Variants in NEK5 observed in about 807,000 individuals in gnomAD.
The protein encoded by NEK5 is NIMA related kinase 5, also known as serine/threonine-protein kinase Nek5.
NEK5 carries 88 observed loss-of-function variants against 109.2 expected under a neutral mutation model. The observed-to-expected ratio is 0.81, with a 90% CI of 0.68 to 0.96. The LOEUF is 0.96. NEK5 is among the 40% of genes least tolerant of loss of function. The pLI is 0.00. For missense variants in NEK5, 834 were observed against 920.7 expected (o/e 0.91, Z 1.22); for synonymous variants, 283 against 299.9 (o/e 0.94, Z 0.58).
At chr13:52,116,124 T>C (rs1243740737) in intron 4 of NEK5, among the ~76,000 whole-genome samples, 1 of 142,044 alleles carries the variant, frequency 7.0e-6, no homozygotes, top group Non-Finnish European at 1.5e-5. Context: ...AAGGCTGCAG[T>C]GAGCTGTAAT....
intron 22 of NEK5, among the ~76,000 whole-genome samples, chr13:52,057,783 G>C (rs553517267): frequency 6.6e-6 from 1 of 151,956 alleles, no homozygotes; most frequent in South Asian, 2.1e-4. Flanking sequence ...AATAAATTAG[G>C]TATTGATGGG....
intron 22 of NEK5, among the ~76,000 whole-genome samples, chr13:52,053,745 C>G (rs1011119293): frequency 6.6e-6 from 1 of 152,212 alleles, no homozygotes; most frequent in Non-Finnish European, 1.5e-5. Flanking sequence ...CTTGCACCAT[C>G]TCGCCCCACA....
intron 4 of NEK5, among the ~76,000 whole-genome samples, chr13:52,114,928 T>C (rs1463133088): frequency 6.6e-6 from 1 of 152,106 alleles, no homozygotes; most frequent in Non-Finnish European, 1.5e-5. Flanking sequence ...TTCATCTCAC[T>C]TCCTTTTCAC....
At position 52,083,257 on chromosome 13, in the gene NEK5, T is replaced by C. The variant is rs1469990498; in HGVS notation, c.1572+3A>G. ...ACACACATCTGATCATAGCCATCATTACCTGCACAGGTGCTTCTCCCTCAG... is the reference window on the plus strand; with the variant it reads ...ACACACATCTGATCATAGCCATCATCACCTGCACAGGTGCTTCTCCCTCAG... On this transcript the variant is annotated splice_donor_region_variant and intron_variant, in intron 17 of 23. Transcript: ENST00000684899. 6.3e-7 allele frequency: 1 copy of C among 1,595,646 alleles called. No homozygotes were observed. Among genetic ancestry groups the C allele is most frequent in the Non-Finnish European group, 8.6e-7 (1 of 1,163,138 alleles).
chr13:52,040,817 G>A (rs954661809), intron 23 of NEK5, among the ~76,000 whole-genome samples: 1 of 152,046 alleles, frequency 6.6e-6, no homozygotes, highest in Non-Finnish European at 1.5e-5. Context: ...TAATTTTAGT[G>A]TTAATTTCTC....
intron 13 of NEK5, among the ~76,000 whole-genome samples, 173 bp downstream of exon 13, chr13:52,092,880 TC>T (rs1955318287): frequency 6.6e-6 from 1 of 152,142 alleles, no homozygotes; most frequent in African/African-American, 2.4e-5. Context: ...AGTGAGACTG[TC>T]TACAAAAGCA....
intron 17 of NEK5, among the ~76,000 whole-genome samples, chr13:52,079,442 G>A (rs1327501115): frequency 6.6e-6 from 1 of 152,238 alleles, no homozygotes; most frequent in Non-Finnish European, 1.5e-5. Context: ...TGCGATTGCA[G>A]GGGCGCACCG....
intron 8 of NEK5, among the ~76,000 whole-genome samples, chr13:52,106,311 A>AT (rs1311038748): frequency 2.0e-5 from 3 of 152,064 alleles, no homozygotes; most frequent in Non-Finnish European, 4.4e-5. Context: ...TCTCTTGGGC[A>AT]TTTTTTCCTA....
Position 52,093,325 on chromosome 13 carries a change from T to G in NEK5, c.1027-90A>C, listed in dbSNP as rs954669115. On this transcript the variant is annotated intron_variant, in intron 12 of 23. Transcript: ENST00000684899. ...CTGTAACCCTAGCACTTTGGGAGGC[T>G]GAGGCGGGTGGATCACCTGAGGTCA... 4.5e-6 allele frequency: 4 copies of G among 890,534 alleles called. No individual in the cohort carries two copies. In the African/African-American group the frequency reaches 6.6e-5, roughly 15 times the overall value. The allele number at this position is 890,534 out of a possible 1,614,324, so 55.2% of individuals were successfully genotyped here. A position where few individuals can be genotyped will look rare whatever the true frequency, so the allele number is the denominator to read the frequency against.
chr13:52,062,209 C>G (rs1954619164), intron 21 of NEK5: 1 of 152,078 alleles, frequency 6.6e-6, no homozygotes, highest in Non-Finnish European at 1.5e-5. Flanking sequence ...TGATTTATAA[C>G]TTAATAAGAC....
intron 21 of NEK5, chr13:52,064,609 G>C (rs1200408517): frequency 4.8e-6 from 1 of 208,696 alleles, no homozygotes; most frequent in Non-Finnish European, 9.5e-6. Flanking sequence ...CCACCACCCT[G>C]TCTGGGAGGT....
At chr13:52,064,653 G>A (rs1045796079) in intron 21 of NEK5, 3 of 234,378 alleles carry the variant, frequency 1.3e-5, no homozygotes, top group Non-Finnish European at 2.5e-5. Context: ...GGGCCGGGAT[G>A]ACAATGGCGG....
chr13:52,120,508 C>T (rs1359345446), intron 3 of NEK5, among the ~76,000 whole-genome samples: 1 of 150,726 alleles, frequency 6.6e-6, no homozygotes, highest in African/African-American at 2.4e-5. Context: ...AACACCCCAA[C>T]AGAAAAATAG....
chr13:52,124,267 C>G (rs1340954209), intron 3 of NEK5, among the ~76,000 whole-genome samples: 1 of 152,170 alleles, frequency 6.6e-6, no homozygotes, highest in Non-Finnish European at 1.5e-5. Flanking sequence ...GCCTGGGCAA[C>G]AGAATGAAAT....
At chr13:52,064,214 CGGGA>C (rs1566740534) in intron 21 of NEK5, among the ~76,000 whole-genome samples, 5 of 141,772 alleles carry the variant, frequency 3.5e-5, no homozygotes, top group African/African-American at 1.1e-4. Context: ...CCGCCCCGTC[CGGGA>C]GGGAGGTGGG....
In NEK5 at chr13:52,093,160, G is replaced by C. The variant is rs774267178; in HGVS notation, c.1102C>G (p.Leu368Val). ...CTTGGTTTGTGGGCTCTCCTCCTCA[G>C]CATATCAAGTTGAGCATAATAATAA... ...YDYYYAQLDM[L>V]RRRAHKPSYH... The change falls in exon 13 of 24, where the codon CTG (leucine) becomes GTG (valine). Residue 368 changes from leucine (L) to valine (V), a missense_variant. By Grantham distance (32) the Leu-to-Val change is conservative. Transcript: ENST00000684899. 1.6e-5 allele frequency: 26 copies of C among 1,612,534 alleles called. No individual in the cohort carries two copies. Among genetic ancestry groups the C allele is most frequent in the Admixed American group, 5.0e-5 (3 of 60,014 alleles).
intron 23 of NEK5, among the ~76,000 whole-genome samples, chr13:52,045,928 A>C (rs915478333): frequency 6.7e-6 from 1 of 148,174 alleles, no homozygotes; most frequent in African/African-American, 2.5e-5. Context: ...AAAATTAGCC[A>C]GCCACGGTGG....
intron 22 of NEK5, among the ~76,000 whole-genome samples, chr13:52,053,669 G>T (rs1283038723): frequency 2.0e-5 from 3 of 152,120 alleles, no homozygotes; most frequent in Non-Finnish European, 4.4e-5. Context: ...AGCCCGAGAT[G>T]GTACCAGCCC....
intron 21 of NEK5, among the ~76,000 whole-genome samples, chr13:52,063,104 G>A (rs553726040): frequency 2.4e-3 from 357 of 151,272 alleles, no homozygotes; most frequent in African/African-American, 8.3e-3. Context: ...CTCTTTCCAC[G>A]GTCTCCCTCT....
Sources: gnomAD v4.1 joint callset for allele counts (sites outside exome capture counted in the v4.1 genomes callset) on GRCh38, gnomAD v4.1.1 for gene constraint, MANE v1.5 for transcripts, NCBI Gene and HGNC (gene_info 2026-07-23, HGNC 2026-07-21) for gene names.